Variants in MAGIX observed in about 807,000 individuals in gnomAD.
MAGIX encodes MAGI family member, X-linked, also known as PDZ domain-containing protein MAGIX.
Under a neutral mutation model 10.0 loss-of-function variants are expected in MAGIX, and 13 were observed. That is an observed-to-expected ratio of 1.30 (90% CI 0.84 to 2.06). The LOEUF (loss-of-function observed/expected upper bound fraction) is 2.06, where lower values mean the gene tolerates loss of function less well. Ranked by LOEUF, MAGIX falls within the 30% of genes most tolerant of loss-of-function variation. MAGIX has a pLI of 0.00. For missense variants in MAGIX, 235 were observed against 245.2 expected (o/e 0.96, Z 0.28); for synonymous variants, 108 against 106.8 (o/e 1.01, Z -0.07).
chrX:49,164,376 G>A (rs201653199), intron 2 of MAGIX: 2 of 365,722 alleles, frequency 5.5e-6, no homozygotes, highest in Non-Finnish European at 4.8e-6. Flanking sequence ...CCAAATTTTG[G>A]AGTAGCATTC....
chrX:49,163,456 C>T (rs2065343066), intron 1 of MAGIX: 1 of 172,901 alleles, frequency 5.8e-6, no homozygotes, highest in Non-Finnish European at 1.1e-5. Context: ...AATGGGGTCC[C>T]CTGAGATATC....
chrX:49,166,856 A>G (rs2065371552), exon 5 of MAGIX: 1 of 120,597 alleles, frequency 8.3e-6, no homozygotes. Context: ...ACCTTTTTGG[A>G]GGTGTACAGG....
chrX:49,165,466 T>TG, intron 4 of MAGIX, 105 bp downstream of exon 5: 1 of 784,478 alleles, frequency 1.3e-6, no homozygotes, highest in Non-Finnish European at 1.8e-6. Context: ...GTGGTCTCTG[T>TG]GGGGAGGGTC....
Position 49,166,920 on chromosome X carries a change from C to G in MAGIX, c.*521C>G, listed in dbSNP as rs782513463. The G allele has an allele frequency of 3.5e-5, 4 of 113,745 alleles. No homozygotes were observed. In the South Asian group the frequency reaches 1.4e-3, roughly 39 times the overall value. The allele number at this position is 113,745 out of a possible 1,213,427, so 9.4% of individuals were successfully genotyped here. On this transcript the variant is annotated 3_prime_UTR_variant, in exon 5 of 5. Coordinates refer to ENST00000616266, the Ensembl canonical transcript of MAGIX. Reference sequence around the variant, plus strand: ...ATGGAGAATGCAGAGGTGAGCCTGTCGTGGCAGGACTGCACCAGTGTATCC... The same window carrying G: ...ATGGAGAATGCAGAGGTGAGCCTGTGGTGGCAGGACTGCACCAGTGTATCC...
chrX:49,166,122 C>T, exon 5 of MAGIX: 1 of 1,211,664 alleles, frequency 8.3e-7, no homozygotes, highest in Non-Finnish European at 1.1e-6. Context: ...CCGGAGGTAA[C>T]GGGGTCTCGC....
exon 3 of MAGIX, chrX:49,164,736 G>A (rs781948779): frequency 5.8e-6 from 7 of 1,210,326 alleles, no homozygotes; most frequent in Non-Finnish European, 7.8e-6. Flanking sequence ...TGCGGACATA[G>A]AGGTCACAGA....
chrX:49,166,378 A>T, exon 5 of MAGIX: 1 of 1,143,367 alleles, frequency 8.7e-7, no homozygotes, highest in Non-Finnish European at 1.2e-6. Flanking sequence ...AGGAGATGGC[A>T]GCCGGAAGGC....
chrX:49,163,924 A>C, exon 2 of MAGIX: 1 of 1,013,973 alleles, frequency 9.9e-7, no homozygotes. Context: ...CTGCGCCGGA[A>C]GGAGGGTGAG....
At chrX:49,165,039 C>T (rs1557097406) in exon 3 of MAGIX, 14 of 1,208,403 alleles carry the variant, frequency 1.2e-5, no homozygotes, top group African/African-American at 1.7e-5. Context: ...CTCCGCTGGC[C>T]GTGCGCGGGC....
At chrX:49,166,195 C>T (rs782318088) in exon 5 of MAGIX, 12 of 1,211,185 alleles carry the variant, frequency 9.9e-6, no homozygotes, top group Non-Finnish European at 1.3e-5. Context: ...AGACCCGGGG[C>T]AGCCCGGAGC....
At chrX:49,165,219 A>G (rs2065358400) in exon 4 of MAGIX, 1 of 1,186,852 alleles carries the variant, frequency 8.4e-7, no homozygotes, top group African/African-American at 1.8e-5. Context: ...ACATCAACGG[A>G]GAGTCAACGC....
chrX:49,167,319 A>T, exon 5 of MAGIX: 1 of 113,999 alleles, frequency 8.8e-6, no homozygotes, highest in Middle Eastern at 4.6e-3. Context: ...TCACCCTGGG[A>T]ACAGAGCCCT....
rs782307915 is a variant in MAGIX at position 49,166,272 on chromosome X, A to G, written c.701A>G (p.Asn234Ser). 127 of 1,193,694 alleles carry G rather than the reference A, an allele frequency of 1.1e-4. 1 individual carries two copies. The East Asian group carries it at 3.8e-3, about 36-fold the overall frequency. ...CCTGAGCGCCGCGCTGAGGATCCCAACGACCAGATCCCGGGTTCCCCGGGG... is the reference window on the plus strand; with the variant it reads ...CCTGAGCGCCGCGCTGAGGATCCCAGCGACCAGATCCCGGGTTCCCCGGGG... The change falls in exon 5 of 5, where the codon AAC becomes AGC. Residue 234 changes from asparagine to serine, a missense_variant. Physicochemically the swap from Asn to Ser is conservative, Grantham distance 46 (BLOSUM62 1). Coordinates refer to ENST00000616266, the Ensembl canonical transcript of MAGIX.
In MAGIX at chrX:49,165,040, G is replaced by A. The variant is rs782582267; in HGVS notation, c.280G>A (p.Val94Met). ...TGTAGCTGGGGACACTCCGCTGGCC[G>A]TGCGCGGGCTGCTGAAGGATGGCCC... The change falls in exon 3 of 5, where the codon GTG becomes ATG. Residue 94 changes from valine (V) to methionine (M), a missense_variant. Val to Met is a conservative substitution (Grantham distance 21). Transcript: ENST00000616266. 2.3e-5 allele frequency: 28 copies of A among 1,208,428 alleles called. No homozygotes were observed. In the South Asian group the frequency reaches 3.2e-4, roughly 14 times the overall value.
exon 5 of MAGIX, chrX:49,166,441 C>T: frequency 9.5e-7 from 1 of 1,056,484 alleles, no homozygotes; most frequent in Non-Finnish European, 1.2e-6. Context: ...TACCGCCCAA[C>T]CTGGATCCGG....
exon 5 of MAGIX, chrX:49,166,453 G>A (rs1016315731): frequency 7.9e-6 from 8 of 1,010,085 alleles, no homozygotes; most frequent in African/African-American, 1.9e-5. Flanking sequence ...TGGATCCGGC[G>A]CGTGTGGCCG....
chrX:49,168,048 A>G (rs972601923), exon 5 of MAGIX: 11 of 111,714 alleles, frequency 9.8e-5, no homozygotes, highest in African/African-American at 3.6e-4. Context: ...TTGAACCCCA[A>G]CTGTATATGT....
chrX:49,165,211 A>C, exon 4 of MAGIX: 2 of 1,189,184 alleles, frequency 1.7e-6, no homozygotes, highest in Non-Finnish European at 2.3e-6. Flanking sequence ...CGTGCTCCAC[A>C]TCAACGGAGA....
exon 3 of MAGIX, chrX:49,164,781 C>G (rs371576880): frequency 1.7e-6 from 2 of 1,210,135 alleles, no homozygotes; most frequent in Admixed American, 2.2e-5. Flanking sequence ...TGTGGATCAC[C>G]GGCCCCAGGT....
Sources: allele counts gnomAD v4.1 joint callset, GRCh38; gene constraint gnomAD v4.1.1; transcripts MANE v1.5; gene names NCBI Gene and HGNC (gene_info 2026-07-23, HGNC 2026-07-21).